The following WDFY1 variants were observed in gnomAD, a reference collection of about 807,000 sequenced individuals.
The protein encoded by WDFY1 is WD repeat and FYVE domain-containing protein 1.
A neutral mutation model predicts 56.4 loss-of-function variants in WDFY1; 32 were observed. The observed-to-expected ratio is 0.57, with a 90% CI of 0.43 to 0.76. The LOEUF is 0.76. Ranked by LOEUF, WDFY1 falls within the 30% of genes least tolerant of loss-of-function variation. The probability of loss-of-function intolerance (pLI) is 0.00; values close to 1 mark genes in which losing one functional copy is unlikely to be tolerated. For synonymous variants in WDFY1, 192 were observed against 197.3 expected, an observed-to-expected ratio of 0.97 and a Z score of 0.23; for missense variants, 480 against 545.7, an observed-to-expected ratio of 0.88 and a Z score of 1.20.
intron 3 of WDFY1, among the ~76,000 whole-genome samples, chr2:223,910,043 C>T (rs1257925645): frequency 2.6e-5 from 4 of 152,218 alleles, no homozygotes; most frequent in Non-Finnish European, 5.9e-5. Context: ...GGTGCCCTCC[C>T]TATATAGCCC....
In WDFY1 at chr2:223,899,043, G is replaced by T. The variant is rs766271709; in HGVS notation, c.513C>A (p.Phe171Leu). The T allele has an allele frequency of 6.2e-7, 1 of 1,614,086 alleles. No homozygotes were observed. The highest frequency in any genetic ancestry group is 1.6e-4 in the Middle Eastern group (1 of 6,062). Residue 171 changes from phenylalanine to leucine, a missense_variant, in exon 6 of 12, where the codon TTC becomes TTA. Physicochemically the swap from Phe to Leu is conservative, Grantham distance 22 (BLOSUM62 0). Transcript: ENST00000233055. ...TGATCTGCCCAGAATAATCACCAAC[G>T]AAAGCATACTGAGTGTCAAAGTCAT... ...LQYDFDTQYA[F>L]VGDYSGQITL... is the part of the protein sequence containing the mutation.
intron 2 of WDFY1, among the ~76,000 whole-genome samples, chr2:223,916,510 A>T (rs1381636791): frequency 1.3e-5 from 2 of 152,218 alleles, no homozygotes; most frequent in African/African-American, 4.8e-5. Flanking sequence ...CGCATGCACT[A>T]AAGCCTTTTT....
chr2:223,935,214 G>A (rs1023580442), intron 1 of WDFY1, among the ~76,000 whole-genome samples: 11 of 151,992 alleles, frequency 7.2e-5, no homozygotes, highest in Admixed American at 3.9e-4. Context: ...CTCTACTGAC[G>A]CTAAGTGTCT....
intron 3 of WDFY1, among the ~76,000 whole-genome samples, chr2:223,911,711 C>T (rs192260819): frequency 6.6e-6 from 1 of 152,002 alleles, no homozygotes; most frequent in African/African-American, 2.4e-5. Flanking sequence ...TGGGTCAGCC[C>T]GAGCACCCAG....
At chr2:223,933,789 C>A (rs533357071) in intron 1 of WDFY1, among the ~76,000 whole-genome samples, 1 of 102,060 alleles carries the variant, frequency 9.8e-6, no homozygotes, top group African/African-American at 3.3e-5. Flanking sequence ...AGACCCCCCC[C>A]CATCTCTACA....
rs557812473 is a variant in WDFY1, at chr2:223,893,354, C to CAAA, written c.831+877_831+879dup. Among the ~76,000 whole-genome samples the CAAA allele has an allele frequency of 1.6e-3, 177 of 108,772 alleles. 1 individual carries two copies. Among genetic ancestry groups the CAAA allele is most frequent in the Middle Eastern group, 0.01 (2 of 198 alleles). 71.4% of individuals were successfully genotyped at this position (108,772 alleles called of 152,430 possible). A position where few individuals can be genotyped will look rare whatever the true frequency, so the allele number is the denominator to read the frequency against. On this transcript the variant is annotated intron_variant, in intron 8 of 11. Coordinates refer to ENST00000233055, the MANE Select transcript of WDFY1 (RefSeq NM_020830.5). ...CGATACAGCAAGACCCTGTCTCTAC[C>CAAA]AAAAAAAAAAAAAAAAAATTGAAAA...
At chr2:223,923,151 T>A (rs1481536214) in intron 1 of WDFY1, among the ~76,000 whole-genome samples, 1 of 152,152 alleles carries the variant, frequency 6.6e-6, no homozygotes, top group Non-Finnish European at 1.5e-5. Context: ...TCATCTGGCA[T>A]TCCCTTCCAT....
chr2:223,899,598 T>C (rs367820277), intron 5 of WDFY1, among the ~76,000 whole-genome samples: 44 of 151,974 alleles, frequency 2.9e-4, no homozygotes, highest in Non-Finnish European at 5.0e-4. Flanking sequence ...CACAAAAAAT[T>C]AGCTGGGCGT....
chr2:223,917,857 C>T (rs1003845637), intron 2 of WDFY1, 86 bp downstream of exon 2: 3 of 1,515,054 alleles, frequency 2.0e-6, no homozygotes, highest in Non-Finnish European at 2.7e-6. Context: ...CAGGTGTGAG[C>T]CACCATGCTC....
At chr2:223,878,935 A>C (rs547234) in intron 11 of WDFY1, among the ~76,000 whole-genome samples, 1 of 152,256 alleles carries the variant, frequency 6.6e-6, no homozygotes, top group Non-Finnish European at 1.5e-5. Flanking sequence ...TGTAATCCCA[A>C]CACTTTGGGA....
At chr2:223,915,206 C>G (rs1693768092) in intron 2 of WDFY1, among the ~76,000 whole-genome samples, 1 of 152,246 alleles carries the variant, frequency 6.6e-6, no homozygotes, top group South Asian at 2.1e-4. Context: ...AAAGAAGCAT[C>G]TAGAAGTAAC....
intron 5 of WDFY1, among the ~76,000 whole-genome samples, chr2:223,899,838 G>A (rs2106081560): frequency 6.6e-6 from 1 of 152,300 alleles, no homozygotes; most frequent in African/African-American, 2.4e-5. Context: ...GGTTATTTAT[G>A]AAATATCTCT....
At chr2:223,917,887 A>G (rs1409705886) in intron 2 of WDFY1, 56 bp downstream of exon 2, 2 of 1,596,866 alleles carry the variant, frequency 1.3e-6, no homozygotes, top group Admixed American at 1.7e-5. Context: ...TTTGAAATTT[A>G]AATCATCAAA....
At chr2:223,905,586 TATTC>T (rs1693584491) in intron 4 of WDFY1, among the ~76,000 whole-genome samples, 1 of 152,138 alleles carries the variant, frequency 6.6e-6, no homozygotes, top group Non-Finnish European at 1.5e-5. Context: ...TGTATATACT[TATTC>T]AATACACACA....
At chr2:223,935,550 G>T (rs1305170361) in intron 1 of WDFY1, among the ~76,000 whole-genome samples, 2 of 152,162 alleles carry the variant, frequency 1.3e-5, no homozygotes, top group African/African-American at 4.8e-5. Flanking sequence ...ATTACCATCT[G>T]CTTCTTAGGA....
chr2:223,938,977 C>G (rs1182102774), intron 1 of WDFY1, among the ~76,000 whole-genome samples: 2 of 151,534 alleles, frequency 1.3e-5, no homozygotes, highest in Non-Finnish European at 1.5e-5. Flanking sequence ...GTCTCAGTCT[C>G]CCAAGTAGCT....
At chr2:223,938,812 A>G (rs1689245742) in intron 1 of WDFY1, among the ~76,000 whole-genome samples, 1 of 151,366 alleles carries the variant, frequency 6.6e-6, no homozygotes, top group Non-Finnish European at 1.5e-5. Context: ...AGGTAAATAT[A>G]TCCCAGAAGG....
rs71058956 is a variant in WDFY1 at position 223,896,155 on chromosome 2, C to CAAA, written c.599-528_599-526dup. On this transcript the variant is annotated intron_variant, in intron 6 of 11. Coordinates refer to ENST00000233055, the MANE Select transcript of WDFY1 (RefSeq NM_020830.5). ...TGGGTGACAGAGTGAGACTCTGTCT[C>CAAA]AAAAAAAAAAAAAAAAAAAAAAAAA... 1.0e-3 allele frequency among the ~76,000 whole-genome samples: 40 copies of CAAA among 39,836 alleles called. 2 individuals carry two copies. Among genetic ancestry groups the CAAA allele is most frequent in the Middle Eastern group, 0.02 (1 of 50 alleles). The allele number at this position is 39,836 out of a possible 152,430, so 26.1% of individuals were successfully genotyped here. A position where few individuals can be genotyped will look rare whatever the true frequency, so the allele number is the denominator to read the frequency against.
intron 1 of WDFY1, among the ~76,000 whole-genome samples, chr2:223,922,757 G>T (rs1693907431): frequency 6.6e-6 from 1 of 152,192 alleles, no homozygotes; most frequent in African/African-American, 2.4e-5. Flanking sequence ...AGAGAACTCT[G>T]CTGGGAGGAG....
Sources: allele counts gnomAD v4.1 joint callset (sites outside exome capture counted in the v4.1 genomes callset), GRCh38; gene constraint gnomAD v4.1.1; transcripts MANE v1.5; gene names NCBI Gene and HGNC (gene_info 2026-07-23, HGNC 2026-07-21).